MTREX: variants seen among roughly 807,000 people sequenced by gnomAD.
MTREX encodes the protein exosome RNA helicase MTR4.
Under a neutral mutation model 135.4 loss-of-function variants are expected in MTREX, and 76 were observed. The observed-to-expected ratio is 0.56, with a 90% CI of 0.47 to 0.68. MTREX has a LOEUF of 0.68. Among genes scored for constraint, MTREX ranks in the 30% least tolerant of loss-of-function variants. MTREX has a pLI of 0.00. For synonymous variants in MTREX, 404 were observed against 401.6 expected, an observed-to-expected ratio of 1.01 and a Z score of -0.07; for missense variants, 920 against 1,262.1, an observed-to-expected ratio of 0.73 and a Z score of 4.11.
chr5:55,369,369 C>A (rs979679871), intron 16 of MTREX, among the ~76,000 whole-genome samples: 3 of 152,198 alleles, frequency 2.0e-5, no homozygotes, highest in African/African-American at 7.2e-5. Context: ...ATTATACATA[C>A]ACACACAGCT....
intron 21 of MTREX, among the ~76,000 whole-genome samples, chr5:55,402,034 A>G (rs575925765): frequency 6.6e-6 from 1 of 152,368 alleles, no homozygotes; most frequent in East Asian, 1.9e-4. Flanking sequence ...CTGTCTTTAT[A>G]AAGTAAATGC....
chr5:55,389,491 C>G (rs1424593639), intron 19 of MTREX, among the ~76,000 whole-genome samples: 3 of 151,992 alleles, frequency 2.0e-5, no homozygotes, highest in Non-Finnish European at 2.9e-5. Context: ...AGGAAATTGG[C>G]AAGGGGTGGG....
intron 15 of MTREX, among the ~76,000 whole-genome samples, chr5:55,366,239 A>G (rs188283499): frequency 6.6e-6 from 1 of 152,322 alleles, no homozygotes; most frequent in East Asian, 1.9e-4. Flanking sequence ...CTATAATCCC[A>G]TCATTTTGGG....
At position 55,412,434 on chromosome 5, in the gene MTREX, C is replaced by T. The variant is rs867801814; in HGVS notation, c.2752-1748C>T. On this transcript the variant is annotated intron_variant, in intron 23 of 26. Coordinates refer to ENST00000230640, the MANE Select transcript of MTREX (RefSeq NM_015360.5). Reference sequence around the variant, plus strand: ...CACCCAATGTGGGCAGTGTACAGGTCTAAGCACCAGAGATGCAGCAGAAAT... The same window carrying T: ...CACCCAATGTGGGCAGTGTACAGGTTTAAGCACCAGAGATGCAGCAGAAAT... 3.3e-5 allele frequency among the ~76,000 whole-genome samples: 5 copies of T among 152,300 alleles called. No individual in the cohort carries two copies. In the Middle Eastern group the frequency reaches 0.01, roughly 311 times the overall value.
intron 16 of MTREX, among the ~76,000 whole-genome samples, chr5:55,374,818 C>T (rs1750267168): frequency 6.6e-6 from 1 of 152,110 alleles, no homozygotes; most frequent in African/African-American, 2.4e-5. Flanking sequence ...GACCGAAAAC[C>T]AATACAACTA....
chr5:55,418,371 A>T (rs1751005480), intron 25 of MTREX, among the ~76,000 whole-genome samples: 1 of 148,740 alleles, frequency 6.7e-6, no homozygotes, highest in Non-Finnish European at 1.5e-5. Context: ...CTTTCTACCT[A>T]AGTAGAAGTT....
chr5:55,381,657 A>C (rs1474769933), intron 18 of MTREX, among the ~76,000 whole-genome samples: 1 of 152,194 alleles, frequency 6.6e-6, no homozygotes, highest in East Asian at 1.9e-4. Context: ...AGTTTGCTTA[A>C]TGGCCTGACA....
intron 1 of MTREX, among the ~76,000 whole-genome samples, chr5:55,320,540 A>T (rs1311517730): frequency 2.0e-5 from 3 of 152,178 alleles, no homozygotes; most frequent in African/African-American, 7.2e-5. Flanking sequence ...AATAAAACAT[A>T]AAGAAAAGTG....
At chr5:55,394,666 A>G (rs532606941) in intron 19 of MTREX, among the ~76,000 whole-genome samples, 1 of 152,302 alleles carries the variant, frequency 6.6e-6, no homozygotes, top group South Asian at 2.1e-4. Flanking sequence ...CCTGGTTCTT[A>G]ACAGGCCACA....
intron 11 of MTREX, among the ~76,000 whole-genome samples, chr5:55,348,965 A>G (rs1749781784): frequency 6.6e-6 from 1 of 152,180 alleles, no homozygotes; most frequent in African/African-American, 2.4e-5. Flanking sequence ...GTAGATAATA[A>G]TAGTTCCTGT....
At chr5:55,381,374 A>G (rs955573151) in intron 18 of MTREX, among the ~76,000 whole-genome samples, 11 of 152,160 alleles carry the variant, frequency 7.2e-5, no homozygotes, top group African/African-American at 2.4e-4. Flanking sequence ...TTTTAAATAG[A>G]GCTTTTACAA....
At chr5:55,385,285 C>T (rs916250392) in intron 18 of MTREX, among the ~76,000 whole-genome samples, 1 of 152,078 alleles carries the variant, frequency 6.6e-6, no homozygotes, top group African/African-American at 2.4e-5. Flanking sequence ...CCTTATAAAC[C>T]AGGGGAAGGG....
chr5:55,353,491 C>T (rs1208501178), intron 14 of MTREX, among the ~76,000 whole-genome samples: 1 of 152,048 alleles, frequency 6.6e-6, no homozygotes, highest in African/African-American at 2.4e-5. Flanking sequence ...TGATTTAAGG[C>T]CAGGAGTTTG....
rs577638972 is a variant in MTREX at position 55,380,522 on chromosome 5, G to A, written c.2052+1327G>A. Among the ~76,000 whole-genome samples, 486 of 152,226 alleles carry A rather than the reference G, an allele frequency of 3.2e-3. 4 individuals are homozygous for A. Among genetic ancestry groups the A allele is most frequent in the Non-Finnish European group, 5.9e-3 (400 of 67,996 alleles). On this transcript the variant is annotated intron_variant, in intron 18 of 26. Coordinates refer to ENST00000230640, the MANE Select transcript of MTREX (RefSeq NM_015360.5). Reference sequence around the variant, plus strand: ...AAATATTTCTTATGTGCCTATTGAGGTGATCATGTGATTTTTGCTTTTTAT... The same window carrying A: ...AAATATTTCTTATGTGCCTATTGAGATGATCATGTGATTTTTGCTTTTTAT...
At chr5:55,324,986 G>C (rs534234363) in intron 3 of MTREX, among the ~76,000 whole-genome samples, 3 of 152,192 alleles carry the variant, frequency 2.0e-5, no homozygotes, top group African/African-American at 7.2e-5. Context: ...CTGATAAATT[G>C]CAGTTTCTTT....
chr5:55,352,086 T>C (rs1749839499), intron 13 of MTREX, among the ~76,000 whole-genome samples: 1 of 152,042 alleles, frequency 6.6e-6, no homozygotes, highest in Non-Finnish European at 1.5e-5. Flanking sequence ...GGTTTCACCA[T>C]GTTGGCCAGG....
In MTREX at chr5:55,339,691, G is replaced by C. The variant is rs1749612377; in HGVS notation, c.516-319G>C. Among the ~76,000 whole-genome samples the C allele has an allele frequency of 3.9e-5, 6 of 152,314 alleles. No homozygotes were observed. In the Middle Eastern group the frequency reaches 0.01, roughly 259 times the overall value. ...TCATCTGTATATGTGTGAACTCACA[G>C]ACAGAGGCTCTGAATTTTGGAAGCC... is the stretch of plus-strand genomic sequence containing the variant. On this transcript the variant is annotated intron_variant, in intron 5 of 26. Coordinates refer to ENST00000230640, the MANE Select transcript of MTREX (RefSeq NM_015360.5).
intron 5 of MTREX, among the ~76,000 whole-genome samples, chr5:55,339,778 A>AT (rs1424701114): frequency 1.3e-5 from 2 of 152,198 alleles, no homozygotes; most frequent in Non-Finnish European, 2.9e-5. Context: ...ATCTATTGCT[A>AT]TTAGTGACTA....
rs113760853 is a variant in MTREX at position 55,332,805 on chromosome 5, G to A, written c.515+3994G>A. Among the ~76,000 whole-genome samples, 936 of 152,184 alleles carry A rather than the reference G, an allele frequency of 6.2e-3. 8 individuals carry two copies. The highest frequency in any genetic ancestry group is 0.022 in the African/African-American group (896 of 41,512). On this transcript the variant is annotated intron_variant, in intron 5 of 26. Transcript: ENST00000230640. ...GCAATTAAATTTCTACATACATTTC[G>A]TAGGGGTCATCTAAATCATAGTAGT...
Sources: gnomAD v4.1 joint callset for allele counts (sites outside exome capture counted in the v4.1 genomes callset) on GRCh38, gnomAD v4.1.1 for gene constraint, MANE v1.5 for transcripts, NCBI Gene and HGNC (gene_info 2026-07-23, HGNC 2026-07-21) for gene names.